The following XYLT1 variants were observed in gnomAD, a reference collection of about 807,000 sequenced individuals.
XYLT1 encodes the protein beta-D-xylosyltransferase 1.
XYLT1 carries 36 observed loss-of-function variants against 91.3 expected under a neutral mutation model. The ratio of observed to expected loss-of-function variants is 0.39; its 90% CI spans 0.30 to 0.52. The LOEUF is 0.52. Among genes scored for constraint, XYLT1 ranks in the 20% least tolerant of loss-of-function variants. The probability of loss-of-function intolerance (pLI) is 0.68; values close to 1 mark genes in which losing one functional copy is unlikely to be tolerated. For missense variants in XYLT1, 1,242 were observed against 1,284.5 expected, an observed-to-expected ratio of 0.97 and a Z score of 0.51; for synonymous variants, 588 against 532.0, an observed-to-expected ratio of 1.11 and a Z score of -1.45.
chr16:17,470,846 G>C lies in XYLT1; in HGVS notation c.-50C>G. The C allele has an allele frequency of 2.0e-6, 2 of 982,816 alleles. No individual in the cohort carries two copies. Among genetic ancestry groups the C allele is most frequent in the Non-Finnish European group, 2.4e-6 (2 of 829,760 alleles). The allele number at this position is 982,816 out of a possible 1,614,324, so 60.9% of individuals were successfully genotyped here. On this transcript the variant is annotated 5_prime_UTR_variant, in exon 1 of 12. Coordinates refer to ENST00000261381, the MANE Select transcript of XYLT1 (RefSeq NM_022166.4). ...GGCGCGGGGACCCCGGCACGCTCCG[G>C]GCCGCCCCCGCGCTCCCCGCAGCTC... is the stretch of plus-strand genomic sequence containing the variant.
chr16:17,311,513 G>A (rs950696286), intron 2 of XYLT1, among the ~76,000 whole-genome samples: 7 of 152,170 alleles, frequency 4.6e-5, no homozygotes, highest in African/African-American at 1.7e-4. Flanking sequence ...TGTTGGTTCA[G>A]GACCACGCTT....
At chr16:17,295,552 C>T (rs1026591459) in intron 2 of XYLT1, among the ~76,000 whole-genome samples, 3 of 152,242 alleles carry the variant, frequency 2.0e-5, no homozygotes, top group Non-Finnish European at 4.4e-5. Context: ...GATGGGGTTT[C>T]ACCAGGTTGG....
chr16:17,127,845 G>A lies in XYLT1; in HGVS notation c.2044C>T (p.His682Tyr), dbSNP rs1243359541. ...AAGTAGAGGTGCACAGATGCTGGGT[G>A]GCCCATTGGGTAGTATCTGAAAACA... is the stretch of plus-strand genomic sequence containing the variant. ...ENSCRYYPMG[H>Y]PASVHLYFLA... The change falls in exon 10 of 12, where the codon CAC becomes TAC. Residue 682 changes from histidine (H) to tyrosine (Y), a missense_variant. Transcript: ENST00000261381. The A allele has an allele frequency of 6.2e-7, 1 of 1,613,710 alleles. No individual in the cohort carries two copies. The highest frequency in any genetic ancestry group is 8.5e-7 in the Non-Finnish European group (1 of 1,179,928).
At chr16:17,164,352 C>T (rs1174726012) in intron 5 of XYLT1, among the ~76,000 whole-genome samples, 1 of 150,660 alleles carries the variant, frequency 6.6e-6, no homozygotes, top group Non-Finnish European at 1.5e-5. Flanking sequence ...TGAGATCAGA[C>T]GAGGTTGGGT....
chr16:17,119,754 G>T (rs2141486735), intron 10 of XYLT1, among the ~76,000 whole-genome samples: 1 of 152,316 alleles, frequency 6.6e-6, no homozygotes, highest in South Asian at 2.1e-4. Flanking sequence ...ACTCGCTATG[G>T]TCAGAGGGGG....
At chr16:17,457,065 A>G (rs1262421367) in intron 1 of XYLT1, among the ~76,000 whole-genome samples, 2 of 152,196 alleles carry the variant, frequency 1.3e-5, no homozygotes, top group Non-Finnish European at 2.9e-5. Context: ...AGGCAGCCAC[A>G]TCCCCCCTCA....
intron 11 of XYLT1, among the ~76,000 whole-genome samples, chr16:17,113,119 G>A (rs968642328): frequency 3.3e-4 from 50 of 151,522 alleles, no homozygotes; most frequent in African/African-American, 8.0e-4. Context: ...GATTACAGGC[G>A]TGAGCCACCG....
intron 1 of XYLT1, among the ~76,000 whole-genome samples, chr16:17,410,645 CTTTTTTT>C (rs954524793): frequency 2.1e-5 from 2 of 93,036 alleles, no homozygotes; most frequent in African/African-American, 3.8e-5. Flanking sequence ...CCTGTCATTA[CTTTTTTT>C]TTTTTTTTTT....
At chr16:17,303,688 A>G (rs12447467) in intron 2 of XYLT1, among the ~76,000 whole-genome samples, 21,809 of 152,142 alleles carry the variant, frequency 0.14, 1,781 homozygotes, top group South Asian at 0.22. Flanking sequence ...AGGAGGAATC[A>G]TTTCACGCCA....
intron 1 of XYLT1, among the ~76,000 whole-genome samples, chr16:17,412,362 CACACACACGTACACAA>C (rs995750337): frequency 2.0e-5 from 3 of 151,880 alleles, no homozygotes; most frequent in African/African-American, 7.3e-5. Context: ...GGTCCTGGCG[CACACACACGTACACAA>C]ACACACACAA....
At chr16:17,461,260 T>G (rs540630645) in intron 1 of XYLT1, among the ~76,000 whole-genome samples, 1 of 152,200 alleles carries the variant, frequency 6.6e-6, no homozygotes, top group South Asian at 2.1e-4. Context: ...TCATACTACT[T>G]ACTCCTTGCC....
At chr16:17,169,221 A>G (rs974554406) in intron 5 of XYLT1, among the ~76,000 whole-genome samples, 3 of 152,182 alleles carry the variant, frequency 2.0e-5, no homozygotes, top group African/African-American at 7.2e-5. Flanking sequence ...ACGAGCATTC[A>G]GGGGAGGCTA....
chr16:17,309,228 T>G (rs1340580281), intron 2 of XYLT1, among the ~76,000 whole-genome samples: 1 of 152,182 alleles, frequency 6.6e-6, no homozygotes, highest in Non-Finnish European at 1.5e-5. Context: ...GCAGCATCCT[T>G]GGCTCTACCC....
chr16:17,454,130 G>GT (rs2036703920), intron 1 of XYLT1, among the ~76,000 whole-genome samples: 1 of 152,016 alleles, frequency 6.6e-6, no homozygotes, highest in African/African-American at 2.4e-5. Context: ...AAATCAATTG[G>GT]TAAAAAAAAA....
At chr16:17,186,696 C>T (rs914655992) in intron 5 of XYLT1, among the ~76,000 whole-genome samples, 3 of 152,084 alleles carry the variant, frequency 2.0e-5, no homozygotes, top group Non-Finnish European at 4.4e-5. Flanking sequence ...GGGATGGTGT[C>T]TGTCCTGCTC....
intron 1 of XYLT1, among the ~76,000 whole-genome samples, chr16:17,462,135 T>G (rs2036831532): frequency 1.3e-5 from 2 of 152,192 alleles, no homozygotes. Flanking sequence ...CAAATGCCTC[T>G]TACCACATTA....
At chr16:17,379,763 T>TCTCTCTCACACACA (rs373354877) in intron 1 of XYLT1, among the ~76,000 whole-genome samples, 44 of 125,606 alleles carry the variant, frequency 3.5e-4, no homozygotes, top group African/African-American at 8.2e-4. Flanking sequence ...TCTCTCTCTC[T>TCTCTCTCACACACA]CACACACACA....
chr16:17,303,526 C>T (rs1382761403), intron 2 of XYLT1, among the ~76,000 whole-genome samples: 3 of 152,204 alleles, frequency 2.0e-5, no homozygotes, highest in Non-Finnish European at 4.4e-5. Flanking sequence ...TTGATGCCCC[C>T]GTGAGTCCCC....
chr16:17,354,037 A>G (rs546335777), intron 2 of XYLT1, among the ~76,000 whole-genome samples: 1 of 152,322 alleles, frequency 6.6e-6, no homozygotes, highest in South Asian at 2.1e-4. Flanking sequence ...GTTCTTGGCA[A>G]ATGGTAAATG....
Sources: gnomAD v4.1 joint callset for allele counts (sites outside exome capture counted in the v4.1 genomes callset) on GRCh38, gnomAD v4.1.1 for gene constraint, MANE v1.5 for transcripts, NCBI Gene and HGNC (gene_info 2026-07-23, HGNC 2026-07-21) for gene names.